The following GLI3 variants were observed in gnomAD, a reference collection of about 807,000 sequenced individuals.
The protein encoded by GLI3 is GLI family zinc finger 3, also known as transcription activator GLI3.
A neutral mutation model predicts 100.8 loss-of-function variants in GLI3; 20 were observed. The ratio of observed to expected loss-of-function variants is 0.20; its 90% CI spans 0.14 to 0.29. GLI3 has a LOEUF of 0.29. Ranked by LOEUF, GLI3 falls within the 10% of genes least tolerant of loss-of-function variation. GLI3 has a pLI of 1.00. For synonymous variants in GLI3, 938 were observed against 860.5 expected (o/e 1.09, Z -1.58); for missense variants, 2,040 against 2,128.5 (o/e 0.96, Z 0.82).
At chr7:42,111,223 C>T (rs1050232904) in intron 3 of GLI3, among the ~76,000 whole-genome samples, 10 of 152,042 alleles carry the variant, frequency 6.6e-5, no homozygotes, top group African/African-American at 2.4e-4. Context: ...GGACTGAGGC[C>T]GAAAACAAGG....
chr7:42,157,420 C>T (rs890709422), intron 2 of GLI3, among the ~76,000 whole-genome samples: 2 of 152,204 alleles, frequency 1.3e-5, no homozygotes, highest in Non-Finnish European at 2.9e-5. Flanking sequence ...TCTCACAAAG[C>T]ACACCTTCAT....
chr7:42,128,358 T>C (rs562869970), intron 3 of GLI3, among the ~76,000 whole-genome samples: 1 of 151,198 alleles, frequency 6.6e-6, no homozygotes, highest in South Asian at 2.1e-4. Context: ...TCCATTTGGT[T>C]AAAAAAAAAT....
intron 2 of GLI3, among the ~76,000 whole-genome samples, chr7:42,205,904 T>TGAA (rs1788141478): frequency 1.3e-5 from 2 of 152,174 alleles, no homozygotes; most frequent in African/African-American, 4.8e-5. Context: ...GAAAAACGAC[T>TGAA]AAGATTGCTT....
At chr7:42,170,959 T>C (rs1426006432) in intron 2 of GLI3, among the ~76,000 whole-genome samples, 1 of 152,196 alleles carries the variant, frequency 6.6e-6, no homozygotes, top group African/African-American at 2.4e-5. Context: ...AACAATCTGA[T>C]TGACTCAGCA....
intron 3 of GLI3, among the ~76,000 whole-genome samples, chr7:42,090,149 T>C: frequency 6.6e-6 from 1 of 152,210 alleles, no homozygotes; most frequent in East Asian, 1.9e-4. Flanking sequence ...TTTAAAATGC[T>C]ACACCTATAT....
At chr7:42,084,930 T>TTTTTTTTTTTTTTTTTTC (rs1785071558) in intron 3 of GLI3, among the ~76,000 whole-genome samples, 1 of 104,122 alleles carries the variant, frequency 9.6e-6, no homozygotes, top group African/African-American at 4.1e-5. Flanking sequence ...TTTTTTTTTT[T>TTTTTTTTTTTTTTTTTTC]AGATTGAGTC....
intron 2 of GLI3, among the ~76,000 whole-genome samples, chr7:42,182,223 T>C (rs948036253): frequency 2.0e-5 from 3 of 152,192 alleles, no homozygotes; most frequent in African/African-American, 7.2e-5. Flanking sequence ...ACGGCCAGTA[T>C]GACTAGGGCT....
intron 4 of GLI3, among the ~76,000 whole-genome samples, chr7:42,059,943 C>T (rs1419475613): frequency 2.6e-5 from 4 of 152,250 alleles, no homozygotes; most frequent in Non-Finnish European, 5.9e-5. Context: ...TCTCACTCTC[C>T]TGCTCCCTAT....
At chr7:42,241,986 C>T (rs1253720081), upstream of GLI3, among the ~76,000 whole-genome samples, 1 of 152,170 alleles carries the variant, frequency 6.6e-6, no homozygotes, top group South Asian at 2.1e-4. Flanking sequence ...TCTCAGTTGT[C>T]TCAAACCAAA....
chr7:42,149,133 A>T (rs1411268215), intron 2 of GLI3, among the ~76,000 whole-genome samples: 4 of 152,196 alleles, frequency 2.6e-5, no homozygotes, highest in Non-Finnish European at 5.9e-5. Flanking sequence ...CTCTCGTGAG[A>T]TACTTCCTGC....
chr7:42,236,607 A>G (rs1788801664), intron 1 of GLI3, among the ~76,000 whole-genome samples: 1 of 152,160 alleles, frequency 6.6e-6, no homozygotes, highest in South Asian at 2.1e-4. Context: ...GCGCAAAGGA[A>G]GGAGCCAGGC....
intron 2 of GLI3, among the ~76,000 whole-genome samples, chr7:42,178,728 A>T (rs2128680549): frequency 6.6e-6 from 1 of 152,292 alleles, no homozygotes; most frequent in African/African-American, 2.4e-5. Context: ...TACCAGGAGG[A>T]AAGGATAGTG....
At chr7:42,232,446 T>C (rs927751778) in intron 1 of GLI3, among the ~76,000 whole-genome samples, 10 of 152,204 alleles carry the variant, frequency 6.6e-5, no homozygotes, top group African/African-American at 2.4e-4. Context: ...CTGGGCAGCA[T>C]GGCCTGAAGG....
chr7:42,227,173 G>C (rs1788597002), intron 1 of GLI3, among the ~76,000 whole-genome samples: 2 of 152,110 alleles, frequency 1.3e-5, no homozygotes, highest in African/African-American at 4.8e-5. Context: ...CCCCGACATA[G>C]TTTCCTTGCT....
At chr7:41,989,566 T>C (rs562320339) in intron 10 of GLI3, among the ~76,000 whole-genome samples, 1 of 152,164 alleles carries the variant, frequency 6.6e-6, no homozygotes, top group Non-Finnish European at 1.5e-5. Context: ...TTACCATCCA[T>C]TGCAATTGCA....
At chr7:42,186,469 G>A (rs929555197) in intron 2 of GLI3, among the ~76,000 whole-genome samples, 29 of 152,120 alleles carry the variant, frequency 1.9e-4, no homozygotes, top group African/African-American at 6.8e-4. Flanking sequence ...CCTTTTGAGA[G>A]TCTCAAAACA....
At chr7:42,068,051 A>T (rs376064700) in intron 4 of GLI3, among the ~76,000 whole-genome samples, 1 of 152,216 alleles carries the variant, frequency 6.6e-6, no homozygotes, top group African/African-American at 2.4e-5. Context: ...TTTTATCTTT[A>T]TTGGAAATGC....
chr7:42,071,033 C>T (rs140754174), intron 4 of GLI3, among the ~76,000 whole-genome samples: 3,037 of 152,028 alleles, frequency 0.02, 99 homozygotes, highest in African/African-American at 0.066. Flanking sequence ...CAAACAGAAA[C>T]AAAAGAAAAA....
At chr7:42,119,999 A>G (rs1285203709) in intron 3 of GLI3, among the ~76,000 whole-genome samples, 1 of 152,166 alleles carries the variant, frequency 6.6e-6, no homozygotes. Flanking sequence ...TCGCACTTAT[A>G]GAGGGAGTTG....
Sources: allele counts gnomAD v4.1 joint callset (sites outside exome capture counted in the v4.1 genomes callset), GRCh38; gene constraint gnomAD v4.1.1; transcripts MANE v1.5; gene names NCBI Gene and HGNC (gene_info 2026-07-23, HGNC 2026-07-21).